The following PSTPIP2 variants were observed in gnomAD, a reference collection of about 807,000 sequenced individuals.
PSTPIP2 encodes the protein proline-serine-threonine phosphatase interacting protein 2, also known as proline-serine-threonine phosphatase-interacting protein 2.
PSTPIP2 carries 33 observed loss-of-function variants against 63.3 expected under a neutral mutation model. That is an observed-to-expected ratio of 0.52 (90% CI 0.40 to 0.70). The LOEUF is 0.70. Among genes scored for constraint, PSTPIP2 ranks in the 30% least tolerant of loss-of-function variants. The pLI, the probability that PSTPIP2 is intolerant of heterozygous loss-of-function variation, is 0.00. For synonymous variants in PSTPIP2, 125 were observed against 132.7 expected (o/e 0.94, Z 0.40); for missense variants, 312 against 400.7 (o/e 0.78, Z 1.89).
At chr18:46,069,633 T>C (rs1909320200) in intron 1 of PSTPIP2, among the ~76,000 whole-genome samples, 1 of 152,246 alleles carries the variant, frequency 6.6e-6, no homozygotes, top group Admixed American at 6.5e-5. Flanking sequence ...AAGATTTCTT[T>C]AAATAAATAT....
At chr18:45,990,118 G>A (rs2051510900) in intron 13 of PSTPIP2, among the ~76,000 whole-genome samples, 1 of 152,132 alleles carries the variant, frequency 6.6e-6, no homozygotes, top group Non-Finnish European at 1.5e-5. Context: ...GTAATCCAAG[G>A]GGAACTATAT....
intron 9 of PSTPIP2, chr18:45,994,060 C>T (rs904226490): frequency 3.2e-6 from 1 of 314,086 alleles, no homozygotes; most frequent in Non-Finnish European, 6.2e-6. Context: ...GCCCCTCCCA[C>T]CCTGGAATGA....
chr18:45,998,631 CCCTT>C (rs905314801), intron 8 of PSTPIP2, among the ~76,000 whole-genome samples, 159 bp downstream of exon 8: 44 of 152,024 alleles, frequency 2.9e-4, no homozygotes, highest in Non-Finnish European at 5.0e-4. Flanking sequence ...CTTACTCTCT[CCCTT>C]CCTTCCTCCC....
At chr18:45,987,808 T>C (rs1334706553) in intron 14 of PSTPIP2, among the ~76,000 whole-genome samples, 1 of 152,162 alleles carries the variant, frequency 6.6e-6, no homozygotes, top group Non-Finnish European at 1.5e-5. Flanking sequence ...TTGGAGAATG[T>C]TCCAAGCACC....
chr18:46,003,421 T>A (rs1178751927), intron 6 of PSTPIP2, among the ~76,000 whole-genome samples: 1 of 152,188 alleles, frequency 6.6e-6, no homozygotes, highest in Non-Finnish European at 1.5e-5. Flanking sequence ...ACTCTCCACT[T>A]GGCCTTTGCT....
At chr18:46,037,064 A>G (rs1908008727) in intron 2 of PSTPIP2, among the ~76,000 whole-genome samples, 3 of 152,222 alleles carry the variant, frequency 2.0e-5, no homozygotes, top group Admixed American at 6.5e-5. Flanking sequence ...ATAGTCTGTT[A>G]TCTTTGCCCC....
At chr18:46,004,206 C>G (rs772111162) in intron 6 of PSTPIP2, among the ~76,000 whole-genome samples, 1 of 152,184 alleles carries the variant, frequency 6.6e-6, no homozygotes, top group Non-Finnish European at 1.5e-5. Flanking sequence ...CCCTATTTAT[C>G]AATTGTTTTT....
intron 2 of PSTPIP2, among the ~76,000 whole-genome samples, chr18:46,026,302 T>C (rs1265651289): frequency 1.3e-5 from 2 of 152,202 alleles, no homozygotes; most frequent in Non-Finnish European, 2.9e-5. Flanking sequence ...CTTTTTGAAT[T>C]TGCATTTCCC....
chr18:46,041,154 G>A (rs565394869), intron 1 of PSTPIP2: 2 of 436,010 alleles, frequency 4.6e-6, no homozygotes, highest in East Asian at 1.4e-4. Context: ...AGGAGTGGGA[G>A]AATGGGGCTG....
intron 12 of PSTPIP2, among the ~76,000 whole-genome samples, chr18:45,991,634 T>C (rs2051534112): frequency 6.6e-6 from 1 of 152,188 alleles, no homozygotes. Context: ...GTAAGAAAAG[T>C]ATAGGATTTC....
chr18:45,985,572 A>G, intron 14 of PSTPIP2, 122 bp from the exon 15 acceptor site: 1 of 911,356 alleles, frequency 1.1e-6, no homozygotes, highest in Non-Finnish European at 1.7e-6. Context: ...ATGGTGAGGA[A>G]TGGGTATTCC....
rs539935858 is a variant in PSTPIP2 at position 45,984,409 on chromosome 18, C to T, written c.*1050G>A. On this transcript the variant is annotated 3_prime_UTR_variant, in exon 15 of 15. Transcript: ENST00000409746. ...CCCAAATATTTGTGAAAGTGTAAGA[C>T]GGATGCATTTAAAATTCTGGGGTCT... The T allele has an allele frequency of 1.1e-3, 174 of 152,206 alleles. No homozygotes were observed. The highest frequency in any genetic ancestry group is 3.8e-3 in the African/African-American group (158 of 41,534). The allele number at this position is 152,206 out of a possible 1,614,324, so 9.4% of individuals were successfully genotyped here.
chr18:46,041,874 C>T (rs1169146050), intron 1 of PSTPIP2, among the ~76,000 whole-genome samples: 1 of 152,140 alleles, frequency 6.6e-6, no homozygotes, highest in Non-Finnish European at 1.5e-5. Context: ...CAACTCTTCC[C>T]AGCGCCAGTT....
At chr18:46,001,399 A>T (rs569484725) in intron 6 of PSTPIP2, among the ~76,000 whole-genome samples, 3 of 152,296 alleles carry the variant, frequency 2.0e-5, no homozygotes, top group African/African-American at 7.2e-5. Context: ...TCTTCTTTTG[A>T]GAAATGTCTA....
rs113991646 is a variant in PSTPIP2 at position 46,036,810 on chromosome 18, C to T, written c.134+3137G>A. Among the ~76,000 whole-genome samples, 1,147 of 152,284 alleles carry T rather than the reference C, an allele frequency of 7.5e-3. 13 individuals carry two copies. The highest frequency in any genetic ancestry group is 0.031 in the Admixed American group (471 of 15,294). On this transcript the variant is annotated intron_variant, in intron 2 of 14. Coordinates refer to ENST00000409746, the MANE Select transcript of PSTPIP2 (RefSeq NM_024430.4). ...CTGGGGAGCTCACCAGGAAGTATAG[C>T]ATCTCCCTCTTCCCCTTGCCACTTT...
At chr18:46,012,145 A>G (rs1217249258) in intron 4 of PSTPIP2, among the ~76,000 whole-genome samples, 2 of 152,216 alleles carry the variant, frequency 1.3e-5, no homozygotes, top group South Asian at 2.1e-4. Context: ...TTGGAAATAC[A>G]CCCAGCCTTA....
chr18:46,028,847 A>C (rs1907688287), intron 2 of PSTPIP2: 1 of 1,585,104 alleles, frequency 6.3e-7, no homozygotes, highest in African/African-American at 1.3e-5. Flanking sequence ...GAAGAGGATG[A>C]AGATGCTTTG....
intron 1 of PSTPIP2, chr18:46,041,024 A>G (rs1436814146): frequency 2.2e-6 from 1 of 458,894 alleles, no homozygotes. Context: ...CTCTGTCCTT[A>G]AACTTGCCAC....
chr18:46,032,082 A>C (rs1907805337), intron 2 of PSTPIP2, among the ~76,000 whole-genome samples: 2 of 152,150 alleles, frequency 1.3e-5, no homozygotes, highest in South Asian at 4.1e-4. Context: ...CTTTAACTAG[A>C]TCACCCTCCT....
Sources: gnomAD v4.1 joint callset for allele counts (sites outside exome capture counted in the v4.1 genomes callset) on GRCh38, gnomAD v4.1.1 for gene constraint, MANE v1.5 for transcripts, NCBI Gene and HGNC (gene_info 2026-07-23, HGNC 2026-07-21) for gene names.